TENM3: variants seen among roughly 807,000 people sequenced by gnomAD.
The protein encoded by TENM3 is teneurin transmembrane protein 3.
In TENM3, 63 loss-of-function variants were observed where a neutral mutation model predicts 255.1. The ratio of observed to expected loss-of-function variants is 0.25; its 90% CI spans 0.20 to 0.30. TENM3 has a LOEUF of 0.30. Among genes scored for constraint, TENM3 ranks in the 10% least tolerant of loss-of-function variants. The pLI is 1.00. For missense variants in TENM3, 2,929 were observed against 3,461.1 expected, an observed-to-expected ratio of 0.85 and a Z score of 3.86; for synonymous variants, 1,306 against 1,322.3, an observed-to-expected ratio of 0.99 and a Z score of 0.27.
chr4:182,534,988 T>G (rs189931777), intron 3 of TENM3, among the ~76,000 whole-genome samples: 1 of 152,356 alleles, frequency 6.6e-6, no homozygotes, highest in East Asian at 1.9e-4. Flanking sequence ...GTTTTTGTTT[T>G]ATAACATACT....
At position 182,773,750 on chromosome 4, in the gene TENM3, T is replaced by A. The variant is rs1025663879; in HGVS notation, c.5068+103T>A. Reference sequence around the variant, plus strand: ...AACCAGAAAAGGGAAGGTGAAAATGTAAACCTCTAGAAATATTGGTGACAT... The same window carrying A: ...AACCAGAAAAGGGAAGGTGAAAATGAAAACCTCTAGAAATATTGGTGACAT... On this transcript the variant is annotated intron_variant, in intron 23 of 27. Transcript: ENST00000511685. 5.1e-6 allele frequency: 5 copies of A among 986,104 alleles called. No individual in the cohort carries two copies. The Admixed American group carries it at 6.7e-5, about 13-fold the overall frequency. The allele number at this position is 986,104 out of a possible 1,614,324, so 61.1% of individuals were successfully genotyped here. A position where few individuals can be genotyped will look rare whatever the true frequency, so the allele number is the denominator to read the frequency against.
chr4:181,530,851 T>A, the TENM3 span, among the ~76,000 whole-genome samples: 1 of 152,190 alleles, frequency 6.6e-6, no homozygotes, highest in Admixed American at 6.5e-5. Context: ...TCTGAAAACA[T>A]GAACTGATCT....
the TENM3 span, among the ~76,000 whole-genome samples, chr4:181,802,478 A>G: frequency 6.6e-6 from 1 of 152,234 alleles, no homozygotes; most frequent in African/African-American, 2.4e-5. Flanking sequence ...GAGAAGAGAA[A>G]AAAATAGGTC....
At chr4:182,388,381 T>A (rs1260550298) in intron 3 of TENM3, among the ~76,000 whole-genome samples, 1 of 152,232 alleles carries the variant, frequency 6.6e-6, no homozygotes, top group African/African-American at 2.4e-5. Flanking sequence ...ACATTTAATG[T>A]ACACCCACTT....
At chr4:181,551,242 T>C in the TENM3 span, among the ~76,000 whole-genome samples, 21 of 152,196 alleles carry the variant, frequency 1.4e-4, no homozygotes, top group African/African-American at 4.8e-4. Context: ...CTGCTCTTTC[T>C]GGAAGATCTA....
chr4:181,926,121 A>G, the TENM3 span, among the ~76,000 whole-genome samples: 3 of 152,202 alleles, frequency 2.0e-5, no homozygotes, highest in African/African-American at 7.2e-5. Flanking sequence ...TGTTTTGAAA[A>G]GTCTTTAAAA....
At chr4:182,788,667 A>G (rs1360978636) in intron 24 of TENM3, among the ~76,000 whole-genome samples, 4 of 152,224 alleles carry the variant, frequency 2.6e-5, no homozygotes, top group African/African-American at 9.6e-5. Flanking sequence ...CTGCTCTTCA[A>G]AGGGCCAGAG....
the TENM3 span, among the ~76,000 whole-genome samples, chr4:181,747,959 A>G: frequency 4.6e-5 from 7 of 151,778 alleles, no homozygotes; most frequent in African/African-American, 1.5e-4. Flanking sequence ...TTCCACACTC[A>G]CTTTGATCTC....
At chr4:181,811,114 C>T in the TENM3 span, among the ~76,000 whole-genome samples, 3 of 152,080 alleles carry the variant, frequency 2.0e-5, no homozygotes, top group African/African-American at 7.2e-5. Context: ...GATATGTCTG[C>T]CAAGCCAAGT....
At chr4:181,560,725 T>C in the TENM3 span, among the ~76,000 whole-genome samples, 1 of 152,144 alleles carries the variant, frequency 6.6e-6, no homozygotes, top group East Asian at 1.9e-4. Context: ...ACTCTACCCG[T>C]GAGGAACCAA....
At chr4:181,565,848 G>A in the TENM3 span, among the ~76,000 whole-genome samples, 2 of 152,176 alleles carry the variant, frequency 1.3e-5, no homozygotes. Flanking sequence ...TATGATTTAT[G>A]GAAAGGAAGA....
chr4:182,776,596 C>T (rs1389680523), intron 24 of TENM3, among the ~76,000 whole-genome samples: 3 of 152,120 alleles, frequency 2.0e-5, no homozygotes, highest in Non-Finnish European at 4.4e-5. Context: ...TAACATATTG[C>T]CTGCTGTTCT....
chr4:182,245,151 C>A (rs1177306828), intron 1 of TENM3, among the ~76,000 whole-genome samples: 1 of 152,156 alleles, frequency 6.6e-6, no homozygotes, highest in East Asian at 1.9e-4. Context: ...TGGAATCATT[C>A]TCTTTTTGCC....
chr4:182,015,554 A>T, the TENM3 span, among the ~76,000 whole-genome samples: 2 of 150,114 alleles, frequency 1.3e-5, no homozygotes, highest in Middle Eastern at 3.4e-3. Context: ...TTTAATTTTT[A>T]TTTATTTATT....
At chr4:182,416,889 G>A (rs1021304934) in intron 3 of TENM3, among the ~76,000 whole-genome samples, 1 of 152,106 alleles carries the variant, frequency 6.6e-6, no homozygotes, top group Non-Finnish European at 1.5e-5. Context: ...CCTCACACTG[G>A]GTTTTGATGT....
At chr4:181,772,394 T>C in the TENM3 span, among the ~76,000 whole-genome samples, 1 of 151,814 alleles carries the variant, frequency 6.6e-6, no homozygotes, top group Admixed American at 6.6e-5. Context: ...AAAATGATAA[T>C]AATAATAATT....
At chr4:182,307,859 A>T (rs960482030) in intron 1 of TENM3, among the ~76,000 whole-genome samples, 1 of 152,258 alleles carries the variant, frequency 6.6e-6, no homozygotes, top group African/African-American at 2.4e-5. Context: ...TATGAAATAC[A>T]GTGGCAAAAG....
intron 1 of TENM3, among the ~76,000 whole-genome samples, chr4:182,159,568 G>A (rs1404098409): frequency 6.6e-6 from 1 of 152,024 alleles, no homozygotes; most frequent in East Asian, 1.9e-4. Flanking sequence ...CCACAACGCA[G>A]TCACACAGCT....
chr4:182,091,793 G>A, the TENM3 span, among the ~76,000 whole-genome samples: 3 of 152,260 alleles, frequency 2.0e-5, no homozygotes, highest in East Asian at 5.8e-4. Context: ...AATTTCACGG[G>A]AGCGTGAGAA....
Sources: gnomAD v4.1 joint callset for allele counts (sites outside exome capture counted in the v4.1 genomes callset) on GRCh38, gnomAD v4.1.1 for gene constraint, MANE v1.5 for transcripts, NCBI Gene and HGNC (gene_info 2026-07-23, HGNC 2026-07-21) for gene names.